Variants in AGO2 observed in about 807,000 individuals in gnomAD.
AGO2 encodes the protein protein argonaute-2.
A neutral mutation model predicts 102.3 loss-of-function variants in AGO2; 5 were observed. That is an observed-to-expected ratio of 0.05 (90% CI 0.03 to 0.10). AGO2 has a LOEUF of 0.10. AGO2 is among the 10% of genes least tolerant of loss of function. AGO2 has a pLI of 1.00. For synonymous variants in AGO2, 449 were observed against 473.1 expected, an observed-to-expected ratio of 0.95 and a Z score of 0.66; for missense variants, 541 against 1,183.7, an observed-to-expected ratio of 0.46 and a Z score of 7.97.
chr8:140,548,329 A>C (rs1191461609), intron 12 of AGO2, among the ~76,000 whole-genome samples: 1 of 151,808 alleles, frequency 6.6e-6, no homozygotes, highest in Non-Finnish European at 1.5e-5. Flanking sequence ...AAAAAAAAAA[A>C]AAAAGGAAAA....
chr8:140,612,072 A>T (rs969653639), intron 1 of AGO2, among the ~76,000 whole-genome samples: 1 of 151,726 alleles, frequency 6.6e-6, no homozygotes, highest in Non-Finnish European at 1.5e-5. Context: ...AAATACAAAA[A>T]ATTAGCCGGG....
rs751828391 is a variant in AGO2 at position 140,549,175 on chromosome 8, C to T, written c.1527G>A (p.Lys509=). The change falls in exon 12 of 19, where the codon AAG becomes AAA. Residue 509 remains lysine (K), a synonymous_variant. Transcript: ENST00000220592. ...DSVEPMFRHL[K]NTYAGLQLVV... is the part of the protein sequence containing the mutation. ...CCAGCTGCAGGCCCGCATACGTGTT[C>T]TTCAGGTGCCGGAACATGGGCTCCA... 3 of 1,613,572 alleles carry T rather than the reference C, an allele frequency of 1.9e-6. No homozygotes were observed. Among genetic ancestry groups the T allele is most frequent in the Non-Finnish European group, 2.5e-6 (3 of 1,179,864 alleles).
chr8:140,630,621 C>T lies in AGO2; in HGVS notation c.22+4864G>A, dbSNP rs546033795. On this transcript the variant is annotated intron_variant, in intron 1 of 18. Transcript: ENST00000220592. ...CAGGCAGCACAGAGCTGGCCACAAA[C>T]GATAAGGGCAGAGATATGTGAAAGA... 5.3e-5 allele frequency among the ~76,000 whole-genome samples: 8 copies of T among 152,280 alleles called. No individual in the cohort carries two copies. In the East Asian group the frequency reaches 1.5e-3, roughly 29 times the overall value.
chr8:140,635,771 G>A (rs2074401651), upstream of AGO2, among the ~76,000 whole-genome samples: 1 of 141,790 alleles, frequency 7.1e-6, no homozygotes, highest in Non-Finnish European at 1.6e-5. Flanking sequence ...GAGCGGGGCT[G>A]GGCGCGCGGG....
chr8:140,639,207 G>A (rs756587626), upstream of AGO2, among the ~76,000 whole-genome samples: 2 of 152,056 alleles, frequency 1.3e-5, no homozygotes, highest in African/African-American at 2.4e-5. Context: ...TAAAAACTAA[G>A]CAGGTGGCTC....
In AGO2 at chr8:140,530,088, T is replaced by TAAAAA. The variant is rs375978646; in HGVS notation, c.*1951_*1955dup. ...GGGAGCTTCTGTCATTTAAAAAGATTAAAAAAAAATACAGCCAGAAGAGAC... is the reference window on the plus strand; with the variant it reads ...GGGAGCTTCTGTCATTTAAAAAGATTAAAAAAAAAAAAAATACAGCCAGAAGAGAC... On this transcript the variant is annotated 3_prime_UTR_variant, in exon 19 of 19. Coordinates refer to ENST00000220592, the MANE Select transcript of AGO2 (RefSeq NM_012154.5). 1 of 150,640 alleles carries TAAAAA rather than the reference T, an allele frequency of 6.6e-6. No homozygotes were observed. 9.3% of individuals were successfully genotyped at this position (150,640 alleles called of 1,614,324 possible).
chr8:140,623,385 C>G (rs982289300), intron 1 of AGO2, among the ~76,000 whole-genome samples: 1 of 152,104 alleles, frequency 6.6e-6, no homozygotes, highest in Non-Finnish European at 1.5e-5. Flanking sequence ...ACTGTGAATG[C>G]GCTACACGCC....
chr8:140,544,752 G>A (rs1330319636), intron 13 of AGO2, among the ~76,000 whole-genome samples: 2 of 152,156 alleles, frequency 1.3e-5, no homozygotes, highest in South Asian at 2.1e-4. Flanking sequence ...TCCACTCACT[G>A]GATGCCAGTA....
chr8:140,524,989 C>G lies in AGO2; in HGVS notation c.*7055G>C, dbSNP rs1052540053. On this transcript the variant is annotated 3_prime_UTR_variant, in exon 19 of 19. Transcript: ENST00000220592. ...GTGTTTTAGCTTTAACTCTGAACTA[C>G]TTAAATCCAAGGAGGTTTTAAATAG... 6.6e-6 allele frequency: 1 copy of G among 152,198 alleles called. No homozygotes were observed. Among genetic ancestry groups the G allele is most frequent in the African/African-American group, 2.4e-5 (1 of 41,440 alleles). The allele number at this position is 152,198 out of a possible 1,614,324, so 9.4% of individuals were successfully genotyped here.
upstream of AGO2, among the ~76,000 whole-genome samples, chr8:140,638,532 A>T (rs1442793052): frequency 6.6e-6 from 1 of 152,338 alleles, no homozygotes; most frequent in Non-Finnish European, 1.5e-5. Flanking sequence ...TTTAGGAAAC[A>T]CAGAGGTAGA....
chr8:140,609,734 T>C (rs887059541), intron 1 of AGO2, among the ~76,000 whole-genome samples: 1 of 152,120 alleles, frequency 6.6e-6, no homozygotes, highest in Non-Finnish European at 1.5e-5. Context: ...ACAGAGCAGG[T>C]GCTCAAGACA....
intron 2 of AGO2, among the ~76,000 whole-genome samples, chr8:140,580,074 C>T (rs2073531705): frequency 2.0e-5 from 3 of 152,228 alleles, no homozygotes; most frequent in Admixed American, 2.0e-4. Flanking sequence ...CACGTGACTT[C>T]AGCAAGGCTT....
At chr8:140,596,077 G>C (rs1588490921) in intron 1 of AGO2, among the ~76,000 whole-genome samples, 1 of 146,892 alleles carries the variant, frequency 6.8e-6, no homozygotes, top group East Asian at 2.0e-4. Flanking sequence ...TCAAACTCTT[G>C]GGTTCAAGCG....
intron 4 of AGO2, among the ~76,000 whole-genome samples, chr8:140,560,811 C>A (rs892128913): frequency 1.3e-5 from 2 of 152,222 alleles, no homozygotes; most frequent in Admixed American, 1.3e-4. Flanking sequence ...GGTCCAGACT[C>A]CCTGTCCTGG....
rs977053012 is a variant in AGO2 at position 140,528,798 on chromosome 8, C to G, written c.*3246G>C. On this transcript the variant is annotated 3_prime_UTR_variant, in exon 19 of 19. Coordinates refer to ENST00000220592, the MANE Select transcript of AGO2 (RefSeq NM_012154.5). The surrounding 1 kb of genome is among the most constrained non-coding windows in gnomAD (Gnocchi z 4.5). Reference sequence around the variant, plus strand: ...ACCAGGAAAATCTGAGCTTAGGACACACAAAACAACAGGACGGTGGCTTTG... The same window carrying G: ...ACCAGGAAAATCTGAGCTTAGGACAGACAAAACAACAGGACGGTGGCTTTG... 1 of 152,190 alleles carries G rather than the reference C, an allele frequency of 6.6e-6. No individual in the cohort carries two copies. The highest frequency in any genetic ancestry group is 2.4e-5 in the African/African-American group (1 of 41,446). 9.4% of individuals were successfully genotyped at this position (152,190 alleles called of 1,614,324 possible). A position where few individuals can be genotyped will look rare whatever the true frequency, so the allele number is the denominator to read the frequency against.
chr8:140,622,276 T>C (rs77464046), intron 1 of AGO2, among the ~76,000 whole-genome samples: 7,177 of 87,960 alleles, frequency 0.082, 234 homozygotes, highest in Admixed American at 0.18. Context: ...GGTCTCCTCT[T>C]GGGGGAATAA....
At chr8:140,600,188 A>AT (rs920128267) in intron 1 of AGO2, among the ~76,000 whole-genome samples, 3 of 152,270 alleles carry the variant, frequency 2.0e-5, no homozygotes, top group South Asian at 2.1e-4. Context: ...TAGAAAAGTT[A>AT]TTTTTTACAA....
intron 2 of AGO2, among the ~76,000 whole-genome samples, chr8:140,584,891 T>C (rs1407124999): frequency 2.0e-5 from 3 of 152,216 alleles, no homozygotes; most frequent in Admixed American, 6.6e-5. Flanking sequence ...TGTATTTCAC[T>C]ATCCTGAAAC....
At chr8:140,635,168 C>A (rs112677930) in intron 1 of AGO2, among the ~76,000 whole-genome samples, 65,833 of 145,848 alleles carry the variant, frequency 0.45, 15,263 homozygotes, top group Middle Eastern at 0.54. Flanking sequence ...GGGCCCCGGG[C>A]GGGGGATGCG....
Sources: gnomAD v4.1 joint callset for allele counts (sites outside exome capture counted in the v4.1 genomes callset) on GRCh38, gnomAD v4.1.1 for gene constraint, Gnocchi (gnomAD v3.1) non-coding constraint, MANE v1.5 for transcripts, NCBI Gene and HGNC (gene_info 2026-07-23, HGNC 2026-07-21) for gene names.